Variants in CSF2RA observed in about 807,000 individuals in gnomAD.
CSF2RA encodes granulocyte-macrophage colony-stimulating factor receptor subunit alpha.
CSF2RA carries 42 observed loss-of-function variants against 51.6 expected under a neutral mutation model. The ratio of observed to expected loss-of-function variants is 0.81; its 90% CI spans 0.64 to 1.05. The LOEUF (loss-of-function observed/expected upper bound fraction) is 1.05. CSF2RA is among the 50% of genes least tolerant of loss of function. The pLI is 0.00. For synonymous variants in CSF2RA, 222 were observed against 193.0 expected (o/e 1.15, Z -1.24); for missense variants, 530 against 501.1 (o/e 1.06, Z -0.55).
At chrX:1,301,681 C>T (rs1423537559) in intron 10 of CSF2RA, among the ~76,000 whole-genome samples, 1 of 149,100 alleles carries the variant, frequency 6.7e-6, no homozygotes, top group Non-Finnish European at 1.5e-5. Context: ...ACTGCAAGCT[C>T]CACCTCCTGG....
At chrX:1,323,883 G>T in the CSF2RA span, among the ~76,000 whole-genome samples, 1 of 151,842 alleles carries the variant, frequency 6.6e-6, no homozygotes, top group East Asian at 1.9e-4. Context: ...GCGTGGTGGT[G>T]GGCGCCTGTA....
the CSF2RA span, among the ~76,000 whole-genome samples, chrX:1,319,444 C>T: frequency 1.3e-5 from 2 of 149,970 alleles, no homozygotes; most frequent in Admixed American, 6.7e-5. Flanking sequence ...AACGTCACCA[C>T]ACCCGGCTAA....
chrX:1,285,866 A>G lies in CSF2RA; in HGVS notation c.165A>G (p.Thr55=). ...TAAGCTGGGACTGCCAAGAAAACAC[A>G]ACCTTCAGCAAGTGTTTCTTAACTG... ...MNLSWDCQEN[T]TFSKCFLTDK... Residue 55 remains threonine, a synonymous_variant, in exon 4 of 13, where the codon ACA becomes ACG. Transcript: ENST00000381529. 1 of 1,613,924 alleles carries G rather than the reference A, an allele frequency of 6.2e-7. No individual in the cohort carries two copies. The highest frequency in any genetic ancestry group is 2.2e-5 in the East Asian group (1 of 44,888).
chrX:1,312,589 A>G (rs144555498), downstream of CSF2RA, among the ~76,000 whole-genome samples: 174 of 152,238 alleles, frequency 1.1e-3, no homozygotes, highest in Middle Eastern at 3.4e-3. Context: ...TTTACGGGAC[A>G]TTATTTTGCC....
At chrX:1,316,269 GA>G in the CSF2RA span, among the ~76,000 whole-genome samples, 44,043 of 134,702 alleles carry the variant, frequency 0.33, 7,082 homozygotes, top group Middle Eastern at 0.46. Flanking sequence ...ATGATAGATA[GA>G]TAGATAGATA....
At chrX:1,295,333 G>A (rs2091839188) in intron 8 of CSF2RA, 94 bp from the exon 9 acceptor site, 10 of 1,523,314 alleles carry the variant, frequency 6.6e-6, no homozygotes, top group African/African-American at 4.1e-5. Flanking sequence ...CTTCCCATTC[G>A]GTGCCCACAC....
chrX:1,268,922 G>A, intron 1 of CSF2RA, 43 bp downstream of exon 1: 1 of 453,796 alleles, frequency 2.2e-6, no homozygotes. Context: ...AGCATGTCGA[G>A]TCACCCGGGT....
chrX:1,320,008 G>A, the CSF2RA span, among the ~76,000 whole-genome samples: 6 of 138,270 alleles, frequency 4.3e-5, no homozygotes, highest in African/African-American at 1.5e-4. Context: ...CCATTCTCTT[G>A]CCTCAGCCTT....
At chrX:1,290,646 C>A in intron 7 of CSF2RA, 137 bp downstream of exon 7, 1 of 878,082 alleles carries the variant, frequency 1.1e-6, no homozygotes. Context: ...GGGCCGATCA[C>A]CTGAGATCGG....
chrX:1,319,784 G>A, the CSF2RA span, among the ~76,000 whole-genome samples: 5 of 146,344 alleles, frequency 3.4e-5, no homozygotes, highest in Admixed American at 3.4e-4. Context: ...GCAAAATCTT[G>A]GCTCATTGCA....
chrX:1,321,724 T>G, the CSF2RA span, among the ~76,000 whole-genome samples: 1 of 152,148 alleles, frequency 6.6e-6, no homozygotes, highest in Admixed American at 6.6e-5. Context: ...TTGTAGGCAC[T>G]GTCACAAAAA....
chrX:1,300,718 G>C (rs1250489378), intron 10 of CSF2RA, 92 bp downstream of exon 10: 3 of 1,551,786 alleles, frequency 1.9e-6, no homozygotes, highest in Non-Finnish European at 2.7e-6. Flanking sequence ...TGGGCGCTGA[G>C]ATCGAGTTGA....
intron 7 of CSF2RA, among the ~76,000 whole-genome samples, chrX:1,293,338 C>CCT (rs1416247575): frequency 3.9e-5 from 6 of 152,120 alleles, no homozygotes; most frequent in African/African-American, 1.4e-4. Flanking sequence ...CCTGCCTCAG[C>CCT]CTCCCGAGTA....
In CSF2RA at chrX:1,289,998, TTG is replaced by T. The variant is rs1421830248; in HGVS notation, c.474-335_474-334del. Among the ~76,000 whole-genome samples, 75 of 151,190 alleles carry T rather than the reference TTG, an allele frequency of 5.0e-4. 1 individual carries two copies. Among genetic ancestry groups the T allele is most frequent in the Admixed American group, 2.9e-3 (43 of 15,060 alleles). On this transcript the variant is annotated intron_variant, in intron 6 of 12. Transcript: ENST00000381529. The stretch of plus-strand genomic sequence containing the variant: ...TGTTTTGTGTTTTTGTGTTTTTGTT[TTG>T]TGTTTTGTGTTTTGTTTTGTGTTTT...
At chrX:1,304,632 G>T (rs771477939) in intron 11 of CSF2RA, among the ~76,000 whole-genome samples, 52 of 123,518 alleles carry the variant, frequency 4.2e-4, no homozygotes, top group Admixed American at 3.3e-3. Flanking sequence ...GTGGTTTCTG[G>T]GTTGGAGGTG....
Position 1,287,840 on chromosome X carries a change from G to C in CSF2RA, c.220-679G>C, listed in dbSNP as rs1244346932. 3.6e-5 allele frequency among the ~76,000 whole-genome samples: 5 copies of C among 139,108 alleles called. 2 individuals are homozygous for C. The highest frequency in any genetic ancestry group is 2.4e-4 in the East Asian group (1 of 4,082). The allele number at this position is 139,108 out of a possible 152,430, so 91.3% of individuals were successfully genotyped here. On this transcript the variant is annotated intron_variant, in intron 4 of 12. Coordinates refer to ENST00000381529, the MANE Select transcript of CSF2RA (RefSeq NM_172245.4). ...CAACCTGTGCCTCCTGGGTTCAAGAGAGTCTCCTGCCTCAGCCTCCCGAGT... is the reference window on the plus strand; with the variant it reads ...CAACCTGTGCCTCCTGGGTTCAAGACAGTCTCCTGCCTCAGCCTCCCGAGT...
At chrX:1,310,645 A>G (rs1159591150), downstream of CSF2RA, among the ~76,000 whole-genome samples, 6 of 145,708 alleles carry the variant, frequency 4.1e-5, no homozygotes, top group African/African-American at 5.2e-5. Context: ...TCCAGCGTGG[A>G]TGACATAGCG....
downstream of CSF2RA, among the ~76,000 whole-genome samples, chrX:1,314,428 C>T (rs867307366): frequency 5.0e-4 from 75 of 148,918 alleles, 1 homozygote; most frequent in Middle Eastern, 6.8e-3. Context: ...TGCACCTGCC[C>T]AACCGCACTG....
chrX:1,273,428 C>T (rs2088706347), intron 1 of CSF2RA, among the ~76,000 whole-genome samples: 1 of 152,084 alleles, frequency 6.6e-6, no homozygotes, highest in Non-Finnish European at 1.5e-5. Context: ...TCTCCTGCCT[C>T]CTCAGCCTTC....
Sources: gnomAD v4.1 joint callset for allele counts (sites outside exome capture counted in the v4.1 genomes callset) on GRCh38, gnomAD v4.1.1 for gene constraint, MANE v1.5 for transcripts, NCBI Gene and HGNC (gene_info 2026-07-23, HGNC 2026-07-21) for gene names.